The following PRELID2 variants were observed in gnomAD, a reference collection of about 807,000 sequenced individuals.
PRELID2 encodes PRELI domain containing 2, also known as PRELI domain-containing protein 2.
PRELID2 carries 25 observed loss-of-function variants against 28.4 expected under a neutral mutation model. The ratio of observed to expected loss-of-function variants is 0.88; its 90% CI spans 0.64 to 1.23. PRELID2 has a LOEUF of 1.23. Ranked by LOEUF, PRELID2 falls within the 50% of genes most tolerant of loss-of-function variation. The probability of loss-of-function intolerance (pLI) is 0.00; values close to 1 mark genes in which losing one functional copy is unlikely to be tolerated. For missense variants in PRELID2, 201 were observed against 214.4 expected (o/e 0.94, Z 0.39); for synonymous variants, 76 against 71.6 (o/e 1.06, Z -0.31).
chr5:145,674,070 A>G (rs901322859), intron 1 of PRELID2, among the ~76,000 whole-genome samples: 19 of 152,322 alleles, frequency 1.2e-4, no homozygotes, highest in African/African-American at 4.6e-4. Flanking sequence ...TTGGAAAAAC[A>G]CCAAAAAATA....
chr5:145,519,648 T>A (rs972582546), intron 1 of PRELID2, among the ~76,000 whole-genome samples: 13 of 152,216 alleles, frequency 8.5e-5, no homozygotes, highest in African/African-American at 3.1e-4. Context: ...GGAGCTCTTT[T>A]TATTTTAGCA....
chr5:145,340,379 T>C, the PRELID2 span, among the ~76,000 whole-genome samples: 1 of 152,164 alleles, frequency 6.6e-6, no homozygotes, highest in Non-Finnish European at 1.5e-5. Flanking sequence ...ATCAGCCACA[T>C]CACACCAGCT....
At position 145,790,721 on chromosome 5, in the gene PRELID2, G is replaced by GTGTGTATATA. The variant is rs772901344; in HGVS notation, c.474+5720_474+5721insTATATACACA. Among the ~76,000 whole-genome samples, 651 of 110,880 alleles carry GTGTGTATATA rather than the reference G, an allele frequency of 5.9e-3. 8 individuals are homozygous for GTGTGTATATA. The highest frequency in any genetic ancestry group is 0.019 in the African/African-American group (623 of 32,658). 72.7% of individuals were successfully genotyped at this position (110,880 alleles called of 152,430 possible). A position where few individuals can be genotyped will look rare whatever the true frequency, so the allele number is the denominator to read the frequency against. Reference sequence around the variant, plus strand: ...CCACATTGTGTGTGTGTGTGTGTGTGTATATATATATATATATATATATAT... The same window carrying GTGTGTATATA: ...CCACATTGTGTGTGTGTGTGTGTGTGTGTGTATATATATATATATATATATATATATATAT... On this transcript the variant is annotated intron_variant, in intron 5 of 6. Transcript: ENST00000683046.
the PRELID2 span, among the ~76,000 whole-genome samples, chr5:145,276,600 T>TA: frequency 4.5e-4 from 68 of 151,992 alleles, no homozygotes; most frequent in African/African-American, 1.2e-3. Context: ...CCCAACTTTA[T>TA]AAAAAAAAGT....
the PRELID2 span, among the ~76,000 whole-genome samples, chr5:145,439,001 A>G: frequency 6.6e-6 from 1 of 152,130 alleles, no homozygotes; most frequent in African/African-American, 2.4e-5. Context: ...AGCAGCAGCC[A>G]TAGCTTATAT....
chr5:145,573,911 A>T (rs1440283353), intron 1 of PRELID2, among the ~76,000 whole-genome samples: 1 of 151,974 alleles, frequency 6.6e-6, no homozygotes, highest in African/African-American at 2.4e-5. Context: ...CATTTTATAA[A>T]CTCTGCATTC....
chr5:145,781,954 C>T (rs1326550963), intron 5 of PRELID2, among the ~76,000 whole-genome samples: 2 of 151,800 alleles, frequency 1.3e-5, no homozygotes, highest in Non-Finnish European at 2.9e-5. Context: ...TTGAATTTAG[C>T]ACAAAAGAGT....
the PRELID2 span, among the ~76,000 whole-genome samples, chr5:145,307,009 T>C: frequency 6.6e-6 from 1 of 152,234 alleles, no homozygotes; most frequent in Non-Finnish European, 1.5e-5. Flanking sequence ...AATGTTTCTA[T>C]ATATGATCTT....
At chr5:145,516,563 C>A (rs1193475089) in intron 1 of PRELID2, among the ~76,000 whole-genome samples, 1 of 152,040 alleles carries the variant, frequency 6.6e-6, no homozygotes, top group Non-Finnish European at 1.5e-5. Context: ...CCATATTGCC[C>A]AAAGTAATTT....
chr5:145,795,111 T>C (rs777067525), intron 5 of PRELID2: 12 of 152,194 alleles, frequency 7.9e-5, no homozygotes, highest in Admixed American at 1.3e-4. Flanking sequence ...ATTATCATCA[T>C]ACAGAGTTTA....
At chr5:145,435,561 C>T in the PRELID2 span, among the ~76,000 whole-genome samples, 1 of 152,172 alleles carries the variant, frequency 6.6e-6, no homozygotes, top group Non-Finnish European at 1.5e-5. Context: ...TTCTCATTAG[C>T]CTACTTTATC....
chr5:145,816,780 A>C (rs1421549224), intron 4 of PRELID2, among the ~76,000 whole-genome samples: 1 of 152,178 alleles, frequency 6.6e-6, no homozygotes, highest in East Asian at 1.9e-4. Flanking sequence ...GCACAACTAT[A>C]TATTTGTCAA....
chr5:145,697,149 C>A (rs1416492243), intron 1 of PRELID2, among the ~76,000 whole-genome samples: 1 of 142,024 alleles, frequency 7.0e-6, no homozygotes, highest in African/African-American at 2.6e-5. Flanking sequence ...GGCACACATA[C>A]AATATAAATA....
the PRELID2 span, among the ~76,000 whole-genome samples, chr5:145,324,903 G>A: frequency 1.3e-5 from 2 of 152,116 alleles, no homozygotes; most frequent in African/African-American, 4.8e-5. Flanking sequence ...ATTAGGGAAA[G>A]CAAAGTATTT....
chr5:145,318,955 G>T, the PRELID2 span, among the ~76,000 whole-genome samples: 65 of 152,258 alleles, frequency 4.3e-4, no homozygotes, highest in Middle Eastern at 6.8e-3. Context: ...AGAATGGGAA[G>T]ATGATCTTCC....
chr5:145,346,090 G>C, the PRELID2 span, among the ~76,000 whole-genome samples: 1 of 152,204 alleles, frequency 6.6e-6, no homozygotes, highest in African/African-American at 2.4e-5. Flanking sequence ...CTTCTCACCA[G>C]TCTGTGACCT....
chr5:145,358,508 G>C, the PRELID2 span, among the ~76,000 whole-genome samples: 5 of 152,098 alleles, frequency 3.3e-5, no homozygotes, highest in African/African-American at 1.2e-4. Context: ...TGCTGGGCCA[G>C]AGCCACAGAG....
chr5:145,254,644 G>A, the PRELID2 span, among the ~76,000 whole-genome samples: 2 of 152,040 alleles, frequency 1.3e-5, no homozygotes, highest in Non-Finnish European at 2.9e-5. Flanking sequence ...TGAACCTAGG[G>A]AAGATTCAGG....
chr5:145,525,146 C>T (rs1340387164), intron 1 of PRELID2, among the ~76,000 whole-genome samples: 1 of 152,150 alleles, frequency 6.6e-6, no homozygotes, highest in Non-Finnish European at 1.5e-5. Flanking sequence ...GTTCACATTA[C>T]AAATGAGGAA....
Sources: allele counts gnomAD v4.1 joint callset (sites outside exome capture counted in the v4.1 genomes callset), GRCh38; gene constraint gnomAD v4.1.1; transcripts MANE v1.5; gene names NCBI Gene and HGNC (gene_info 2026-07-23, HGNC 2026-07-21).